Variants in ASCC3 observed in about 807,000 individuals in gnomAD.
ASCC3 encodes ASC-1 complex subunit P200.
Under a neutral mutation model 256.3 loss-of-function variants are expected in ASCC3, and 158 were observed. That is an observed-to-expected ratio of 0.62 (90% CI 0.54 to 0.70). The LOEUF (loss-of-function observed/expected upper bound fraction) is 0.70, where lower values mean the gene tolerates loss of function less well. Among genes scored for constraint, ASCC3 ranks in the 30% least tolerant of loss-of-function variants. ASCC3 has a pLI of 0.00. For synonymous variants in ASCC3, 948 were observed against 883.4 expected (o/e 1.07, Z -1.30); for missense variants, 2,259 against 2,626.0 (o/e 0.86, Z 3.05).
chr6:100,623,324 A>G (rs1313993534), intron 30 of ASCC3, among the ~76,000 whole-genome samples: 1 of 152,160 alleles, frequency 6.6e-6, no homozygotes, highest in African/African-American at 2.4e-5. Context: ...GATCGCTATT[A>G]CTCTACTTCA....
chr6:100,770,513 G>T (rs1277641529), intron 8 of ASCC3, among the ~76,000 whole-genome samples: 1 of 149,194 alleles, frequency 6.7e-6, no homozygotes, highest in Admixed American at 6.7e-5. Flanking sequence ...AAAAAAAAAA[G>T]AAATAAAGTC....
chr6:100,816,278 G>A (rs137968551), intron 4 of ASCC3, among the ~76,000 whole-genome samples: 46 of 152,172 alleles, frequency 3.0e-4, no homozygotes, highest in Admixed American at 9.2e-4. Context: ...GTGAGGTTAC[G>A]GAGAAAAAGG....
Position 100,627,967 on chromosome 6 carries a change from G to A in ASCC3, c.4396C>T (p.Leu1466=), listed in dbSNP as rs1774325049. Residue 1466 remains leucine (L), a synonymous_variant, in exon 28 of 42, where the codon CTA becomes TTA. Transcript: ENST00000369162. Reference sequence around the variant, plus strand: ...TTTGTTCGAGATACAATGACCTCTAGAACAGGGCCTCTTTCCTCCCCTAGA... The same window carrying A: ...TTTGTTCGAGATACAATGACCTCTAAAACAGGGCCTCTTTCCTCCCCTAGA... The part of the protein sequence containing the change: ...HLLGEERGPV[L]EVIVSRTNFI... The A allele has an allele frequency of 6.2e-7, 1 of 1,613,176 alleles. No individual in the cohort carries two copies. The highest frequency in any genetic ancestry group is 1.1e-5 in the South Asian group (1 of 91,066).
At chr6:100,727,735 A>T (rs1223732360) in intron 10 of ASCC3, among the ~76,000 whole-genome samples, 3 of 152,118 alleles carry the variant, frequency 2.0e-5, no homozygotes, top group Non-Finnish European at 4.4e-5. Flanking sequence ...TAGTTATTAG[A>T]GACAAAGATT....
intron 10 of ASCC3, among the ~76,000 whole-genome samples, chr6:100,747,419 T>C (rs1486747305): frequency 6.6e-6 from 1 of 152,040 alleles, no homozygotes; most frequent in Non-Finnish European, 1.5e-5. Context: ...CATGCGTCCA[T>C]ACAAATACTT....
rs747539213 is a variant in ASCC3 at position 100,560,748 on chromosome 6, AACACACACACACACAC to A, written c.5551-20377_5551-20362del. Among the ~76,000 whole-genome samples, 971 of 133,942 alleles carry A rather than the reference AACACACACACACACAC, an allele frequency of 7.2e-3. 2 individuals carry two copies. The highest frequency in any genetic ancestry group is 0.024 in the African/African-American group (874 of 35,928). The allele number at this position is 133,942 out of a possible 152,430, so 87.9% of individuals were successfully genotyped here. A position where few individuals can be genotyped will look rare whatever the true frequency, so the allele number is the denominator to read the frequency against. On this transcript the variant is annotated intron_variant, in intron 36 of 41. Coordinates refer to ENST00000369162, the MANE Select transcript of ASCC3 (RefSeq NM_006828.4). ...AGTCAAACCCCAAACATCTTAGAGG[AACACACACACACACAC>A]ACACACACACACACACACACACACA... is the stretch of plus-strand genomic sequence containing the variant.
chr6:100,851,758 C>A (rs372568731), intron 3 of ASCC3, among the ~76,000 whole-genome samples: 2 of 152,164 alleles, frequency 1.3e-5, no homozygotes, highest in East Asian at 1.9e-4. Flanking sequence ...TCTCTATATG[C>A]CTTACGGTTC....
chr6:100,536,114 G>A (rs897112709), intron 37 of ASCC3, among the ~76,000 whole-genome samples: 2 of 152,174 alleles, frequency 1.3e-5, no homozygotes, highest in South Asian at 2.1e-4. Context: ...AACAACTACT[G>A]CATTTTAGTT....
At chr6:100,605,103 A>G (rs913389944) in intron 33 of ASCC3, among the ~76,000 whole-genome samples, 1 of 152,170 alleles carries the variant, frequency 6.6e-6, no homozygotes, top group Non-Finnish European at 1.5e-5. Context: ...TATTAACTGT[A>G]CAACTGTACT....
At position 100,608,214 on chromosome 6, in the gene ASCC3, A is replaced by G. The variant is rs1773085519; in HGVS notation, c.4786-1126T>C. On this transcript the variant is annotated intron_variant, in intron 30 of 41. Transcript: ENST00000369162. The stretch of plus-strand genomic sequence containing the variant: ...TATATATACTTTATATATATACTTT[A>G]TATATATACTTTATATACTTTATAC... Among the ~76,000 whole-genome samples the G allele has an allele frequency of 4.6e-5, 3 of 64,804 alleles. 1 individual carries two copies. The highest frequency in any genetic ancestry group is 5.2e-5 in the Non-Finnish European group (2 of 38,592). The allele number at this position is 64,804 out of a possible 152,430, so 42.5% of individuals were successfully genotyped here. A position where few individuals can be genotyped will look rare whatever the true frequency, so the allele number is the denominator to read the frequency against.
rs1008435782 is a variant in ASCC3, at chr6:100,853,048, A to G, written c.242-4341T>C. 2.0e-5 allele frequency among the ~76,000 whole-genome samples: 3 copies of G among 151,990 alleles called. No homozygotes were observed. The East Asian group carries it at 5.8e-4, about 29-fold the overall frequency. On this transcript the variant is annotated intron_variant, in intron 3 of 41. Transcript: ENST00000369162. ...GCCAAAAATCACCATTAAGTAGCAG[A>G]GCATGATCAGAACTCAACTTGGCTG... is the stretch of plus-strand genomic sequence containing the variant.
intron 37 of ASCC3, among the ~76,000 whole-genome samples, chr6:100,525,156 C>CAAAAAAAAAAA (rs57882047): frequency 8.7e-4 from 39 of 44,958 alleles, no homozygotes; most frequent in Non-Finnish European, 1.0e-3. Context: ...GACCCTGTCT[C>CAAAAAAAAAAA]AAAAAAAAAA....
At chr6:100,807,478 AG>A (rs1169615420) in intron 4 of ASCC3, among the ~76,000 whole-genome samples, 2 of 151,854 alleles carry the variant, frequency 1.3e-5, no homozygotes, top group Non-Finnish European at 2.9e-5. Context: ...CCGGACACTT[AG>A]GGGGCCCACA....
chr6:100,762,378 C>T (rs1309593107), intron 10 of ASCC3, among the ~76,000 whole-genome samples: 1 of 152,176 alleles, frequency 6.6e-6, no homozygotes, highest in Non-Finnish European at 1.5e-5. Flanking sequence ...CAAAGGAACA[C>T]TGCTCAATGG....
intron 1 of ASCC3, among the ~76,000 whole-genome samples, chr6:100,873,867 T>C (rs1478956642): frequency 1.3e-5 from 2 of 152,136 alleles, no homozygotes; most frequent in African/African-American, 4.8e-5. Context: ...CAAAAACTGC[T>C]AAAAAGAGCT....
In ASCC3 at chr6:100,509,965, G is replaced by C. The variant is rs747965973; in HGVS notation, c.6428C>G (p.Ser2143Cys). 2 of 1,613,854 alleles carry C rather than the reference G, an allele frequency of 1.2e-6. No homozygotes were observed. Among genetic ancestry groups the C allele is most frequent in the Non-Finnish European group, 1.7e-6 (2 of 1,179,920 alleles). Residue 2143 changes from serine (S) to cysteine (C), a missense_variant, in exon 41 of 42, where the codon TCC (serine) becomes TGC (cysteine). By Grantham distance (112) the Ser-to-Cys change is moderately radical (BLOSUM62 -1). Around this residue, in one of 2 missense-constraint regions of ASCC3, gnomAD observed 1,839 missense variants for 2,206.7 expected, o/e 0.83. Transcript: ENST00000369162. ...VGYIRNHHVA[S>C]LSFYTPEIPG... Reference sequence around the variant, plus strand: ...TATTTCAGGGGTATAAAAAGAAAGGGAAGCAACATGATGATTTCGAATATA... The same window carrying C: ...TATTTCAGGGGTATAAAAAGAAAGGCAAGCAACATGATGATTTCGAATATA...
chr6:100,726,387 A>C (rs985052905), intron 10 of ASCC3, among the ~76,000 whole-genome samples: 2 of 151,986 alleles, frequency 1.3e-5, no homozygotes, highest in Non-Finnish European at 2.9e-5. Context: ...CTACCTCACC[A>C]CCAACTTAGA....
At chr6:100,786,248 A>G (rs556012941) in intron 8 of ASCC3, among the ~76,000 whole-genome samples, 41 of 152,166 alleles carry the variant, frequency 2.7e-4, no homozygotes, top group Non-Finnish European at 4.9e-4. Flanking sequence ...TTAGGGTGCT[A>G]TGTCAATAGT....
chr6:100,801,396 G>A (rs1769909130), intron 5 of ASCC3, among the ~76,000 whole-genome samples: 2 of 152,048 alleles, frequency 1.3e-5, no homozygotes, highest in African/African-American at 2.4e-5. Context: ...ACAAAGCACA[G>A]TGCAAATTAT....
Sources: allele counts gnomAD v4.1 joint callset (sites outside exome capture counted in the v4.1 genomes callset), GRCh38; gene constraint gnomAD v4.1.1; regional missense constraint gnomAD v4.1.1; transcripts MANE v1.5; gene names NCBI Gene and HGNC (gene_info 2026-07-23, HGNC 2026-07-21).